Variants in CLMN observed in about 807,000 individuals in gnomAD.
CLMN encodes calmin (calponin-like, transmembrane).
In CLMN, 57 loss-of-function variants were observed where a neutral mutation model predicts 92.7. The ratio of observed to expected loss-of-function variants is 0.61; its 90% CI spans 0.50 to 0.77. The LOEUF is 0.77. Ranked by LOEUF, CLMN falls within the 30% of genes least tolerant of loss-of-function variation. The probability of loss-of-function intolerance (pLI) is 0.00; values close to 1 mark genes in which losing one functional copy is unlikely to be tolerated. For synonymous variants in CLMN, 466 were observed against 470.6 expected, an observed-to-expected ratio of 0.99 and a Z score of 0.13; for missense variants, 1,158 against 1,237.5, an observed-to-expected ratio of 0.94 and a Z score of 0.96.
chr14:95,297,845 A>T (rs1900875355), intron 1 of CLMN, among the ~76,000 whole-genome samples: 1 of 139,348 alleles, frequency 7.2e-6, no homozygotes, highest in Non-Finnish European at 1.6e-5. Flanking sequence ...ACACACACAC[A>T]CACACAGAGT....
chr14:95,211,113 C>G (rs1305992756), intron 6 of CLMN, among the ~76,000 whole-genome samples: 3 of 152,206 alleles, frequency 2.0e-5, no homozygotes, highest in Non-Finnish European at 4.4e-5. Flanking sequence ...AAAATAGGAC[C>G]CTGGGTTCCC....
chr14:95,217,706 TG>T (rs1438734018), intron 4 of CLMN, among the ~76,000 whole-genome samples: 1 of 152,260 alleles, frequency 6.6e-6, no homozygotes, highest in African/African-American at 2.4e-5. Context: ...CTAGTCAACT[TG>T]ATCACCCTGG....
chr14:95,230,126 C>T lies in CLMN; in HGVS notation c.90G>A (p.Arg30=), dbSNP rs201346672. 6.8e-6 allele frequency: 11 copies of T among 1,614,100 alleles called. No homozygotes were observed. In the East Asian group the frequency reaches 2.2e-4, roughly 33 times the overall value. Residue 30 remains arginine, a synonymous_variant, in exon 2 of 13, where the codon AGG becomes AGA. Coordinates refer to ENST00000298912, the MANE Select transcript of CLMN (RefSeq NM_024734.4). ...DIRVQNLQVE[R]ENVQKRTFTR... ...TAAAGGTCCTCTTCTGCACATTTTC[C>T]CTCTCAACTGAAAACAAAGACATAC... is the stretch of plus-strand genomic sequence containing the variant.
At chr14:95,313,643 A>C (rs565349168) in intron 1 of CLMN, among the ~76,000 whole-genome samples, 184 of 150,886 alleles carry the variant, frequency 1.2e-3, no homozygotes, top group African/African-American at 3.0e-3. Context: ...GTTTAAACAA[A>C]AAAAAAAAAA....
intron 1 of CLMN, among the ~76,000 whole-genome samples, chr14:95,257,686 G>A (rs559484308): frequency 2.0e-5 from 3 of 152,330 alleles, no homozygotes; most frequent in African/African-American, 7.2e-5. Flanking sequence ...ACGTGGCTAT[G>A]CGGGGTGCGG....
chr14:95,227,794 G>A (rs1157913641), intron 2 of CLMN, among the ~76,000 whole-genome samples: 2 of 152,120 alleles, frequency 1.3e-5, no homozygotes, highest in Non-Finnish European at 2.9e-5. Context: ...TAACTCCTTC[G>A]GTAAATTAAG....
At chr14:95,309,521 A>G (rs1035189475) in intron 1 of CLMN, among the ~76,000 whole-genome samples, 2 of 152,238 alleles carry the variant, frequency 1.3e-5, no homozygotes, top group African/African-American at 4.8e-5. Context: ...GGCATAGATG[A>G]GATCACCATG....
At chr14:95,300,727 A>T (rs1052578041) in intron 1 of CLMN, among the ~76,000 whole-genome samples, 5 of 152,180 alleles carry the variant, frequency 3.3e-5, no homozygotes, top group African/African-American at 1.2e-4. Flanking sequence ...AACATAATGC[A>T]GGGTCCCCTT....
At chr14:95,199,429 C>T (rs1896814910) in intron 9 of CLMN, 1 of 152,268 alleles carries the variant, frequency 6.6e-6, no homozygotes, top group African/African-American at 2.4e-5. Context: ...CAATCAGCTC[C>T]AGTCCTTTGG....
chr14:95,200,396 G>A (rs942353935), intron 9 of CLMN, among the ~76,000 whole-genome samples: 4 of 152,154 alleles, frequency 2.6e-5, no homozygotes, highest in African/African-American at 7.2e-5. Context: ...CAGATGCATC[G>A]CTTTCCATGG....
chr14:95,273,646 A>C (rs1292788977), intron 1 of CLMN, among the ~76,000 whole-genome samples: 2 of 152,216 alleles, frequency 1.3e-5, no homozygotes, highest in Non-Finnish European at 2.9e-5. Context: ...AGCAATGTCC[A>C]GGGAATTTAA....
chr14:95,245,231 ATATATAT>A (rs1431077015), intron 1 of CLMN, among the ~76,000 whole-genome samples: 12 of 34,204 alleles, frequency 3.5e-4, no homozygotes, highest in African/African-American at 8.8e-4. Context: ...TATATTATAT[ATATATAT>A]TATATATATA....
chr14:95,310,843 G>A (rs1901505605), intron 1 of CLMN, among the ~76,000 whole-genome samples: 1 of 152,252 alleles, frequency 6.6e-6, no homozygotes, highest in African/African-American at 2.4e-5. Flanking sequence ...GGCAAACCCG[G>A]AAGACACCTG....
In CLMN at chr14:95,204,420, G is replaced by T. The variant is rs1218740012; in HGVS notation, c.929C>A (p.Thr310Asn). Residue 310 changes from threonine to asparagine, a missense_variant, in exon 9 of 13, where the codon ACT becomes AAT. Coordinates refer to ENST00000298912, the MANE Select transcript of CLMN (RefSeq NM_024734.4). ...AGGAGTTTCTTTGATGCGAACAAAAGTGGATTCGATAGGAACTTCTTTATC... is the reference window on the plus strand; with the variant it reads ...AGGAGTTTCTTTGATGCGAACAAAATTGGATTCGATAGGAACTTCTTTATC... ...DSDKEVPIES[T>N]FVRIKETPSE... 1 of 1,610,428 alleles carries T rather than the reference G, an allele frequency of 6.2e-7. No individual in the cohort carries two copies. The highest frequency in any genetic ancestry group is 1.1e-5 in the South Asian group (1 of 90,100).
chr14:95,199,688 T>C (rs1406146740), intron 9 of CLMN, among the ~76,000 whole-genome samples: 1 of 152,102 alleles, frequency 6.6e-6, no homozygotes, highest in African/African-American at 2.4e-5. Flanking sequence ...TTGTCAAAAA[T>C]GTGATCAGCT....
At position 95,186,095 on chromosome 14, in the gene CLMN, G is replaced by A. The variant is rs1289610611; in HGVS notation, c.*5469C>T. The A allele has an allele frequency of 6.6e-6, 1 of 152,238 alleles. No homozygotes were observed. 9.4% of individuals were successfully genotyped at this position (152,238 alleles called of 1,614,324 possible). On this transcript the variant is annotated 3_prime_UTR_variant, in exon 13 of 13. Coordinates refer to ENST00000298912, the MANE Select transcript of CLMN (RefSeq NM_024734.4). ...GTAAACTTAACTGGGAATGAAGATG[G>A]CTATCTGGAGGTCATCAACTAGCAG...
At chr14:95,211,914 T>C (rs549408661) in intron 6 of CLMN, among the ~76,000 whole-genome samples, 2 of 152,340 alleles carry the variant, frequency 1.3e-5, no homozygotes, top group Non-Finnish European at 2.9e-5. Context: ...TACAGATTAA[T>C]GTAACCACCA....
rs769010370 is a variant in CLMN, at chr14:95,319,715, C to T, written c.78G>A (p.Leu26=). 1 of 1,597,328 alleles carries T rather than the reference C, an allele frequency of 6.3e-7. No individual in the cohort carries two copies. The highest frequency in any genetic ancestry group is 2.3e-5 in the East Asian group (1 of 43,964). The stretch of plus-strand genomic sequence containing the variant: ...GGCGAGCCTGGGCTGCGTTACCTTG[C>T]AGGTTCTGCACTCGGATGTCGCTAA... ...GQISDIRVQN[L]QVERENVQKR... is the part of the protein sequence containing the mutation. Residue 26 remains leucine, a synonymous_variant, in exon 1 of 13, where the codon CTG becomes CTA. Transcript: ENST00000298912.
chr14:95,240,345 G>C (rs1304716370), intron 1 of CLMN, among the ~76,000 whole-genome samples: 1 of 152,144 alleles, frequency 6.6e-6, no homozygotes, highest in Non-Finnish European at 1.5e-5. Flanking sequence ...GGAATGGTGT[G>C]GCATGACCAA....
Sources: allele counts gnomAD v4.1 joint callset (sites outside exome capture counted in the v4.1 genomes callset), GRCh38; gene constraint gnomAD v4.1.1; transcripts MANE v1.5; gene names NCBI Gene and HGNC (gene_info 2026-07-23, HGNC 2026-07-21).